Variants in ZNF385D observed in about 807,000 individuals in gnomAD.
ZNF385D encodes zinc finger protein 659.
In ZNF385D, 15 loss-of-function variants were observed where a neutral mutation model predicts 35.8. That is an observed-to-expected ratio of 0.42 (90% CI 0.28 to 0.64). The LOEUF (loss-of-function observed/expected upper bound fraction) is 0.64, where lower values mean the gene tolerates loss of function less well. Ranked by LOEUF, ZNF385D falls within the 30% of genes least tolerant of loss-of-function variation. The pLI is 0.23. For synonymous variants in ZNF385D, 212 were observed against 186.8 expected (o/e 1.13, Z -1.10); for missense variants, 474 against 494.6 (o/e 0.96, Z 0.39).
intron 2 of ZNF385D, among the ~76,000 whole-genome samples, chr3:21,655,824 G>A (rs28459844): frequency 6.6e-6 from 1 of 151,968 alleles, no homozygotes; most frequent in Non-Finnish European, 1.5e-5. Context: ...ATGATTTGGG[G>A]AAAATAATTT....
At chr3:22,090,283 G>C (rs1318327208) in intron 3 of ZNF385D, among the ~76,000 whole-genome samples, 2 of 152,140 alleles carry the variant, frequency 1.3e-5, no homozygotes. Flanking sequence ...GCAGTGCTGA[G>C]CTTCTTACTA....
At chr3:21,703,514 T>A (rs1040668933) in intron 1 of ZNF385D, among the ~76,000 whole-genome samples, 1 of 152,116 alleles carries the variant, frequency 6.6e-6, no homozygotes, top group Non-Finnish European at 1.5e-5. Flanking sequence ...CCCTTCCCAA[T>A]CATTGTAAAT....
At chr3:22,319,552 A>G (rs147245905) in intron 2 of ZNF385D, among the ~76,000 whole-genome samples, 120 of 152,276 alleles carry the variant, frequency 7.9e-4, no homozygotes, top group African/African-American at 2.8e-3. Context: ...CTTAGAATCA[A>G]AAGATGTCTC....
chr3:21,740,761 G>T (rs760319209), intron 1 of ZNF385D, among the ~76,000 whole-genome samples: 40 of 152,262 alleles, frequency 2.6e-4, no homozygotes, highest in Non-Finnish European at 5.0e-4. Flanking sequence ...GGGCAATGTG[G>T]AACTTCCCAG....
chr3:22,086,107 G>C (rs980912499), intron 3 of ZNF385D, among the ~76,000 whole-genome samples: 1 of 152,198 alleles, frequency 6.6e-6, no homozygotes, highest in Non-Finnish European at 1.5e-5. Context: ...TACTGCATGG[G>C]CGAAACCTGG....
chr3:22,113,597 G>A (rs984757835), intron 3 of ZNF385D, among the ~76,000 whole-genome samples: 1 of 152,096 alleles, frequency 6.6e-6, no homozygotes, highest in Admixed American at 6.6e-5. Flanking sequence ...AGGTAGTGCT[G>A]ACTGAGACAA....
At chr3:22,250,486 C>G (rs1256545589) in intron 2 of ZNF385D, among the ~76,000 whole-genome samples, 8 of 151,946 alleles carry the variant, frequency 5.3e-5, no homozygotes, top group Admixed American at 4.6e-4. Flanking sequence ...ATTAGGAGTG[C>G]ATTGGAATAT....
chr3:22,186,710 T>C (rs1214842366), intron 2 of ZNF385D, among the ~76,000 whole-genome samples: 1 of 152,100 alleles, frequency 6.6e-6, no homozygotes, highest in Non-Finnish European at 1.5e-5. Context: ...TTACTTAATT[T>C]CATGCTCTTA....
intron 3 of ZNF385D, among the ~76,000 whole-genome samples, chr3:21,867,175 AAG>A (rs1480496278): frequency 7.9e-5 from 12 of 152,148 alleles, no homozygotes; most frequent in African/African-American, 2.4e-4. Flanking sequence ...CAGAGAGCAG[AAG>A]AGAGTGCACC....
At chr3:22,079,639 C>T (rs1008107227) in intron 3 of ZNF385D, among the ~76,000 whole-genome samples, 5 of 152,072 alleles carry the variant, frequency 3.3e-5, no homozygotes, top group African/African-American at 1.2e-4. Flanking sequence ...GGAGATACTG[C>T]ACTAAAGAAG....
intron 1 of ZNF385D, among the ~76,000 whole-genome samples, chr3:21,728,157 G>T (rs1220058892): frequency 2.0e-5 from 3 of 152,034 alleles, no homozygotes; most frequent in Non-Finnish European, 4.4e-5. Context: ...CTAGGAGAGG[G>T]ATAGCATTAG....
rs1243916299 is a variant in ZNF385D at position 22,343,903 on chromosome 3, C to T, written c.106+28547G>A. Among the ~76,000 whole-genome samples the T allele has an allele frequency of 2.0e-5, 3 of 152,046 alleles. No individual in the cohort carries two copies. The South Asian group carries it at 6.2e-4, about 32-fold the overall frequency. On this transcript the variant is annotated intron_variant, in intron 2 of 5. Coordinates refer to the ZNF385D transcript ENST00000494108. Reference sequence around the variant, plus strand: ...TTCCCCAACTACTGGGCTGTACCCCCAGCATATTTACATTTTACCACATCC... The same window carrying T: ...TTCCCCAACTACTGGGCTGTACCCCTAGCATATTTACATTTTACCACATCC...
intron 4 of ZNF385D, among the ~76,000 whole-genome samples, chr3:21,505,247 T>G (rs1274025513): frequency 6.6e-6 from 1 of 151,954 alleles, no homozygotes; most frequent in Non-Finnish European, 1.5e-5. Context: ...AAGTGAGCAA[T>G]GGGCCATGGA....
intron 3 of ZNF385D, among the ~76,000 whole-genome samples, chr3:21,778,029 G>A (rs76900710): frequency 6.6e-6 from 1 of 151,996 alleles, no homozygotes; most frequent in African/African-American, 2.4e-5. Flanking sequence ...ATAAGTAACT[G>A]CTGTTTTAAG....
intron 3 of ZNF385D, among the ~76,000 whole-genome samples, chr3:21,515,650 T>G (rs572040271): frequency 6.6e-6 from 1 of 152,344 alleles, no homozygotes; most frequent in Admixed American, 6.5e-5. Context: ...TGGCCCATCT[T>G]AGCTCATTCC....
intron 2 of ZNF385D, among the ~76,000 whole-genome samples, chr3:22,221,588 T>C (rs1038686391): frequency 3.3e-5 from 5 of 152,178 alleles, no homozygotes; most frequent in Admixed American, 3.3e-4. Context: ...TCGGGGTTTC[T>C]CATCACTTCA....
intron 3 of ZNF385D, among the ~76,000 whole-genome samples, chr3:21,841,819 T>C (rs1695695666): frequency 6.6e-6 from 1 of 151,870 alleles, no homozygotes; most frequent in South Asian, 2.1e-4. Flanking sequence ...TTTAAGTTTG[T>C]AAATTCGCAA....
At chr3:21,606,148 C>A (rs956125776) in intron 2 of ZNF385D, among the ~76,000 whole-genome samples, 3 of 152,152 alleles carry the variant, frequency 2.0e-5, no homozygotes, top group Non-Finnish European at 2.9e-5. Flanking sequence ...TCCAAACACT[C>A]AAACCTTTCT....
rs74861315 is a variant in ZNF385D, at chr3:21,749,384, C to T, written c.22+1511G>A. ...TCTAATTGGCCCTACTTCCTCACGA[C>T]GATCACATAAGGAATTGTTTCAAGA... On this transcript the variant is annotated intron_variant, in intron 1 of 7. Transcript: ENST00000281523. Among the ~76,000 whole-genome samples the T allele has an allele frequency of 3.9e-5, 6 of 152,220 alleles. No homozygotes were observed. The East Asian group carries it at 7.8e-4, about 20-fold the overall frequency.
Sources: allele counts gnomAD v4.1 joint callset (sites outside exome capture counted in the v4.1 genomes callset), GRCh38; gene constraint gnomAD v4.1.1; transcripts MANE v1.5; gene names NCBI Gene and HGNC (gene_info 2026-07-23, HGNC 2026-07-21).